The following SWT1 variants were observed in gnomAD, a reference collection of about 807,000 sequenced individuals.
SWT1 encodes SWT1 RNA endoribonuclease homolog, also known as transcriptional protein SWT1.
SWT1 carries 33 observed loss-of-function variants against 107.3 expected under a neutral mutation model. The observed-to-expected ratio is 0.31, with a 90% CI of 0.23 to 0.41. The LOEUF is 0.41. SWT1 is among the 10% of genes least tolerant of loss of function. The pLI is 1.00. For missense variants in SWT1, 898 were observed against 1,028.9 expected (o/e 0.87, Z 1.74); for synonymous variants, 345 against 348.3 (o/e 0.99, Z 0.11).
At chr1:185,258,020 T>G (rs1440059739) in intron 16 of SWT1, 1 of 152,070 alleles carries the variant, frequency 6.6e-6, no homozygotes, top group African/African-American at 2.4e-5. Context: ...TCAGCCTGTC[T>G]TTCCTCTTTA....
chr1:185,198,052 C>G (rs966534833), intron 10 of SWT1, among the ~76,000 whole-genome samples: 7 of 152,138 alleles, frequency 4.6e-5, no homozygotes, highest in Admixed American at 6.6e-5. Flanking sequence ...TTAGATCTTT[C>G]CTGCTTTCTC....
In SWT1 at chr1:185,170,540, G is replaced by A. The variant is rs556784637; in HGVS notation, c.224+2142G>A. On this transcript the variant is annotated intron_variant, in intron 4 of 18. Transcript: ENST00000367500. Reference sequence around the variant, plus strand: ...ATTCAGGAGAGCCTCCAGAGCTCTCGGCACAAAGGGCCCCTAACTCTGGGT... The same window carrying A: ...ATTCAGGAGAGCCTCCAGAGCTCTCAGCACAAAGGGCCCCTAACTCTGGGT... 3.9e-5 allele frequency among the ~76,000 whole-genome samples: 6 copies of A among 152,246 alleles called. No individual in the cohort carries two copies. In the South Asian group the frequency reaches 6.2e-4, roughly 16 times the overall value.
chr1:185,170,374 C>T (rs1030546250), intron 4 of SWT1, among the ~76,000 whole-genome samples: 1 of 152,200 alleles, frequency 6.6e-6, no homozygotes, highest in African/African-American at 2.4e-5. Flanking sequence ...AGCCTTTGTA[C>T]GCACTGAGGC....
chr1:185,169,483 A>G (rs548183206), intron 4 of SWT1, among the ~76,000 whole-genome samples: 4 of 152,204 alleles, frequency 2.6e-5, no homozygotes, highest in Non-Finnish European at 5.9e-5. Flanking sequence ...AGTGAAAGCC[A>G]TAATACAGAT....
At chr1:185,288,735 C>A (rs915002396) in intron 18 of SWT1, among the ~76,000 whole-genome samples, 1 of 152,096 alleles carries the variant, frequency 6.6e-6, no homozygotes. Flanking sequence ...TGTGAACTTA[C>A]ATAGACCATC....
At chr1:185,177,940 G>A (rs1655702723) in intron 5 of SWT1, among the ~76,000 whole-genome samples, 1 of 152,080 alleles carries the variant, frequency 6.6e-6, no homozygotes, top group African/African-American at 2.4e-5. Flanking sequence ...TATGTATCAG[G>A]CATTTTTCTA....
At chr1:185,267,693 A>G (rs1255483792) in intron 16 of SWT1, among the ~76,000 whole-genome samples, 2 of 152,194 alleles carry the variant, frequency 1.3e-5, no homozygotes, top group East Asian at 3.8e-4. Flanking sequence ...ATTTCTTTTT[A>G]AAGGACAAAT....
chr1:185,185,240 G>A (rs1656349968), intron 9 of SWT1, among the ~76,000 whole-genome samples: 1 of 152,188 alleles, frequency 6.6e-6, no homozygotes, highest in Non-Finnish European at 1.5e-5. Flanking sequence ...GATGAAGTCT[G>A]TAAGTGATCT....
intron 18 of SWT1, among the ~76,000 whole-genome samples, chr1:185,286,485 A>C (rs1035620462): frequency 1.3e-5 from 2 of 152,006 alleles, no homozygotes; most frequent in African/African-American, 4.8e-5. Flanking sequence ...CAGCCTCCCA[A>C]AGTGCTGGGA....
intron 14 of SWT1, 104 bp from the exon 15 acceptor site, chr1:185,221,745 C>G: frequency 1.4e-6 from 1 of 695,572 alleles, no homozygotes; most frequent in Non-Finnish European, 2.3e-6. Context: ...GAATTGCCAC[C>G]ACTTCTCAGA....
At chr1:185,221,398 G>A (rs2102527430) in intron 14 of SWT1, among the ~76,000 whole-genome samples, 1 of 152,014 alleles carries the variant, frequency 6.6e-6, no homozygotes, top group African/African-American at 2.4e-5. Flanking sequence ...GAAACCTTCA[G>A]TGGTTCACCA....
intron 14 of SWT1, 133 bp from the exon 15 acceptor site, chr1:185,221,716 G>T: frequency 1.7e-6 from 1 of 592,942 alleles, no homozygotes; most frequent in Non-Finnish European, 2.9e-6. Flanking sequence ...GGAATATTAT[G>T]TACATAATAA....
intron 10 of SWT1, among the ~76,000 whole-genome samples, chr1:185,199,122 G>A (rs898604912): frequency 6.6e-6 from 1 of 152,056 alleles, no homozygotes; most frequent in East Asian, 1.9e-4. Flanking sequence ...ATTTTTAGTA[G>A]AGACGGTATT....
intron 15 of SWT1, among the ~76,000 whole-genome samples, chr1:185,225,865 A>T (rs1660011932): frequency 6.6e-6 from 1 of 152,244 alleles, no homozygotes; most frequent in African/African-American, 2.4e-5. Context: ...CTTTTGTTTA[A>T]AAGGAAGAAA....
In SWT1 at chr1:185,290,994, A is replaced by C. The variant is rs2102801935; in HGVS notation, c.*191A>C. 5.5e-6 allele frequency: 2 copies of C among 360,858 alleles called. No individual in the cohort carries two copies. Among genetic ancestry groups the C allele is most frequent in the Middle Eastern group, 7.6e-4 (1 of 1,312 alleles). The allele number at this position is 360,858 out of a possible 1,614,324, so 22.4% of individuals were successfully genotyped here. On this transcript the variant is annotated 3_prime_UTR_variant, in exon 19 of 19. Transcript: ENST00000367500. ...AGCCTAATGTATCCACTGTGGAATA[A>C]ACTCCATAGACTCAACTCTTCTGGA...
intron 16 of SWT1, among the ~76,000 whole-genome samples, chr1:185,257,417 G>A (rs1001423797): frequency 6.6e-6 from 1 of 152,068 alleles, no homozygotes; most frequent in African/African-American, 2.4e-5. Context: ...AGACTGCTGT[G>A]CTAGCAATCA....
At chr1:185,193,659 G>T (rs573854900) in intron 10 of SWT1, among the ~76,000 whole-genome samples, 3 of 152,108 alleles carry the variant, frequency 2.0e-5, no homozygotes, top group East Asian at 3.9e-4. Flanking sequence ...TAGAGACAGG[G>T]TTTCACCATG....
chr1:185,271,538 G>A (rs75216484), intron 17 of SWT1, 149 bp downstream of exon 17: 7,358 of 557,882 alleles, frequency 0.013, 430 homozygotes, highest in African/African-American at 0.13. Flanking sequence ...GTTTGTCAGT[G>A]ACATATTCTT....
chr1:185,231,459 A>G, intron 15 of SWT1, 118 bp from the exon 16 acceptor site: 1 of 758,538 alleles, frequency 1.3e-6, no homozygotes. Flanking sequence ...ATAGATCAGC[A>G]TTCTGAGAGA....
Sources: allele counts gnomAD v4.1 joint callset (sites outside exome capture counted in the v4.1 genomes callset), GRCh38; gene constraint gnomAD v4.1.1; transcripts MANE v1.5; gene names NCBI Gene and HGNC (gene_info 2026-07-23, HGNC 2026-07-21).